Variants in SLC52A3 observed in about 807,000 individuals in gnomAD.
The protein encoded by SLC52A3 is solute carrier family 52 member 3, also known as solute carrier family 52, riboflavin transporter, member 3.
SLC52A3 carries 20 observed loss-of-function variants against 29.5 expected under a neutral mutation model. That is an observed-to-expected ratio of 0.68 (90% CI 0.48 to 0.99). The LOEUF (loss-of-function observed/expected upper bound fraction) is 0.99, where lower values mean the gene tolerates loss of function less well. Among genes scored for constraint, SLC52A3 ranks in the 50% least tolerant of loss-of-function variants. SLC52A3 has a pLI of 0.00. For synonymous variants in SLC52A3, 301 were observed against 271.0 expected (o/e 1.11, Z -1.09); for missense variants, 548 against 612.9 (o/e 0.89, Z 1.12).
upstream of SLC52A3, among the ~76,000 whole-genome samples, chr20:779,744 T>C (rs1262109942): frequency 6.6e-6 from 1 of 152,236 alleles, no homozygotes; most frequent in Admixed American, 6.5e-5. Context: ...AGTTAAATGC[T>C]GGAATAAGTC....
chr20:761,321 G>T, intron 4 of SLC52A3, 83 bp from the exon 5 acceptor site: 1 of 1,379,190 alleles, frequency 7.3e-7, no homozygotes, highest in African/African-American at 1.4e-5. Flanking sequence ...CAGGGCTCAG[G>T]GGAACCCACG....
At chr20:769,320 T>C (rs1464975919), upstream of SLC52A3, among the ~76,000 whole-genome samples, 2 of 152,216 alleles carry the variant, frequency 1.3e-5, no homozygotes, top group African/African-American at 4.8e-5. Context: ...TTCTCTGTTC[T>C]AGACTCGGGC....
At chr20:762,686 T>C (rs945574027) in intron 3 of SLC52A3, among the ~76,000 whole-genome samples, 3 of 152,232 alleles carry the variant, frequency 2.0e-5, no homozygotes, top group African/African-American at 7.2e-5. Flanking sequence ...CCTCAAATCC[T>C]CCATCCTCTT....
At chr20:773,937 C>G (rs943514980) in intron 1 of SLC52A3, among the ~76,000 whole-genome samples, 27 of 152,314 alleles carry the variant, frequency 1.8e-4, no homozygotes, top group Middle Eastern at 3.4e-3. Flanking sequence ...TCCCCCGCCC[C>G]CCTCCACATT....
intron 3 of SLC52A3, among the ~76,000 whole-genome samples, chr20:762,373 T>G (rs917935182): frequency 1.3e-5 from 2 of 152,130 alleles, no homozygotes; most frequent in African/African-American, 4.8e-5. Context: ...CAATGTGGAG[T>G]GTGCTGATCT....
chr20:775,056 T>G (rs1374552319), intron 1 of SLC52A3, among the ~76,000 whole-genome samples: 1 of 152,202 alleles, frequency 6.6e-6, no homozygotes, highest in Non-Finnish European at 1.5e-5. Context: ...GTGAGTTCTC[T>G]TCCCCCTTCT....
chr20:778,107 C>T (rs1987118735), upstream of SLC52A3, among the ~76,000 whole-genome samples: 2 of 151,792 alleles, frequency 1.3e-5, no homozygotes. Context: ...CCTCCGCCTC[C>T]CGGGTTCAAG....
At chr20:761,400 G>T in intron 4 of SLC52A3, 162 bp from the exon 5 acceptor site, 1 of 857,408 alleles carries the variant, frequency 1.2e-6, no homozygotes. Flanking sequence ...CCCATGAGTT[G>T]GCCGCCCGGG....
chr20:760,991 G>A lies in SLC52A3; in HGVS notation c.*35C>T, dbSNP rs2122504328. On this transcript the variant is annotated 3_prime_UTR_variant, in exon 5 of 5. Transcript: ENST00000645534. The surrounding 1 kb of genome is among the most constrained non-coding windows in gnomAD (Gnocchi z 4.9). The stretch of plus-strand genomic sequence containing the variant: ...CCTGGCCTCTCTGGACCCCAGTTCC[G>A]TCCGTGAGCGATGGGGGCGGGGTCG... 3.8e-6 allele frequency: 6 copies of A among 1,567,844 alleles called. No individual in the cohort carries two copies. The highest frequency in any genetic ancestry group is 1.9e-5 in the Admixed American group (1 of 53,608).
At chr20:776,215 G>C (rs1162922852), upstream of SLC52A3, among the ~76,000 whole-genome samples, 1 of 152,206 alleles carries the variant, frequency 6.6e-6, no homozygotes, top group Non-Finnish European at 1.5e-5. Context: ...TTGATCCCCA[G>C]TTGACAAAAG....
At chr20:776,858 G>A (rs896078603), upstream of SLC52A3, among the ~76,000 whole-genome samples, 1 of 63,838 alleles carries the variant, frequency 1.6e-5, no homozygotes, top group South Asian at 4.1e-4. Context: ...ATCGCTTTTG[G>A]GGGGGGGGCC....
At chr20:771,671 A>AAAC (rs1340732892), upstream of SLC52A3, among the ~76,000 whole-genome samples, 4 of 100,174 alleles carry the variant, frequency 4.0e-5, no homozygotes, top group African/African-American at 1.3e-4. Context: ...AGAGATATGA[A>AAAC]AAAAAAAAAA....
At chr20:777,832 C>T (rs1276498965), upstream of SLC52A3, among the ~76,000 whole-genome samples, 3 of 152,046 alleles carry the variant, frequency 2.0e-5, no homozygotes, top group Admixed American at 6.6e-5. Flanking sequence ...AATGTGCCAC[C>T]CCCAAATACA....
At chr20:772,227 A>G (rs1986862217), upstream of SLC52A3, among the ~76,000 whole-genome samples, 1 of 152,218 alleles carries the variant, frequency 6.6e-6, no homozygotes, top group Non-Finnish European at 1.5e-5. Context: ...GCTCCCCACA[A>G]AGACGAATTC....
chr20:761,258 G>GCGT lies in SLC52A3; in HGVS notation c.1198-21_1198-20insACG. The GCGT allele has an allele frequency of 6.5e-7, 1 of 1,541,546 alleles. No homozygotes were observed. The highest frequency in any genetic ancestry group is 2.0e-5 in the Admixed American group (1 of 50,890). On this transcript the variant is annotated intron_variant, in intron 4 of 4. Coordinates refer to ENST00000645534, the MANE Select transcript of SLC52A3 (RefSeq NM_033409.4). ...GGCCACCTGCGGGGCCGGGAGGGAA[G>GCGT]AGGTGCAGAGTCACGGGGCTTGCGG...
rs907859701 is a variant in SLC52A3, at chr20:763,407, C to T, written c.1073+91G>A. ...TCCCCAAACATGTTCTTAACCACTA[C>T]ATGTACAGCCCAGTAGGTGCGTTTG... On this transcript the variant is annotated intron_variant, in intron 3 of 4. Transcript: ENST00000645534. 1.9e-5 allele frequency: 30 copies of T among 1,550,898 alleles called. No individual in the cohort carries two copies. In the African/African-American group the frequency reaches 3.7e-4, roughly 19 times the overall value.
At position 763,920 on chromosome 20, in the gene SLC52A3, G is replaced by A. The variant is rs1464545647; in HGVS notation, c.651C>T (p.His217=). The A allele has an allele frequency of 6.2e-7, 1 of 1,613,958 alleles. No homozygotes were observed. The highest frequency in any genetic ancestry group is 1.3e-5 in the African/African-American group (1 of 74,902). ...GGAGGAAGAAGACCAGGGGTGAGAA[G>A]TGGGCGGGAAGGTAGCGGCTCTCCA... ...SHLESRYLPA[H]FSPLVFFLLL... The change falls in exon 3 of 5, where the codon CAC becomes CAT. Residue 217 remains histidine (H), a synonymous_variant. Transcript: ENST00000645534.
Position 761,173 on chromosome 20 carries a change from C to G in SLC52A3, c.1263G>C (p.Leu421=). ...SYVKVMLGVV[L]RDLSRSALLW... is the part of the protein sequence containing the mutation. ...AGAGGGCGCTGCGGCTGAGGTCGCG[C>G]AGGACCACGCCCAGCATCACCTTGA... Residue 421 remains leucine (L), a synonymous_variant, in exon 5 of 5, where the codon CTG becomes CTC. Coordinates refer to ENST00000645534, the MANE Select transcript of SLC52A3 (RefSeq NM_033409.4). The G allele has an allele frequency of 1.3e-6, 2 of 1,573,944 alleles. No individual in the cohort carries two copies. Among genetic ancestry groups the G allele is most frequent in the Non-Finnish European group, 8.6e-7 (1 of 1,161,412 alleles).
chr20:774,574 A>G (rs73069761), intron 1 of SLC52A3, among the ~76,000 whole-genome samples: 11,916 of 152,274 alleles, frequency 0.078, 618 homozygotes, highest in South Asian at 0.17. Context: ...ATGGGGAGAA[A>G]GGACAACAGA....
Sources: allele counts gnomAD v4.1 joint callset (sites outside exome capture counted in the v4.1 genomes callset), GRCh38; gene constraint gnomAD v4.1.1; non-coding constraint Gnocchi (gnomAD v3.1); transcripts MANE v1.5; gene names NCBI Gene and HGNC (gene_info 2026-07-23, HGNC 2026-07-21).